The following GOLGA3 variants were observed in gnomAD, a reference collection of about 807,000 sequenced individuals.
GOLGA3 encodes the protein golgin subfamily A member 3.
In GOLGA3, 75 loss-of-function variants were observed where a neutral mutation model predicts 169.4. That is an observed-to-expected ratio of 0.44 (90% CI 0.37 to 0.54). The LOEUF (loss-of-function observed/expected upper bound fraction) is 0.54. Ranked by LOEUF, GOLGA3 falls within the 20% of genes least tolerant of loss-of-function variation. GOLGA3 has a pLI of 0.00. For missense variants in GOLGA3, 1,899 were observed against 1,930.0 expected (o/e 0.98, Z 0.30); for synonymous variants, 824 against 822.4 (o/e 1.00, Z -0.03).
chr12:132,774,968 C>A (rs1330836299), intron 22 of GOLGA3, 173 bp downstream of exon 22: 1 of 584,540 alleles, frequency 1.7e-6, no homozygotes, highest in Non-Finnish European at 3.0e-6. Flanking sequence ...TGAATGAAAC[C>A]AGAATGAAAT....
chr12:132,778,594 T>C (rs759151031), intron 18 of GOLGA3, among the ~76,000 whole-genome samples: 14 of 150,062 alleles, frequency 9.3e-5, no homozygotes, highest in Non-Finnish European at 1.8e-4. Flanking sequence ...AATAAACAAA[T>C]AAATAAATAA....
At chr12:132,790,103 G>C (rs1188710007) in intron 12 of GOLGA3, among the ~76,000 whole-genome samples, 8 of 152,016 alleles carry the variant, frequency 5.3e-5, no homozygotes, top group Non-Finnish European at 1.5e-5. Context: ...AGGCCAAGGT[G>C]GGCGGATCAC....
Position 132,773,733 on chromosome 12 carries a change from T to C in GOLGA3, c.4307+424A>G, listed in dbSNP as rs116311760. On this transcript the variant is annotated intron_variant, in intron 23 of 23. Transcript: ENST00000450791. ...GTGTGCGAGTTCCCCCACCTTTATA[T>C]AAACCTCAGAGGCTGTGCGAGTCCC... 2.1e-3 allele frequency among the ~76,000 whole-genome samples: 317 copies of C among 151,644 alleles called. 1 individual carries two copies. The highest frequency in any genetic ancestry group is 7.5e-3 in the African/African-American group (309 of 41,248).
intron 7 of GOLGA3, among the ~76,000 whole-genome samples, chr12:132,803,189 C>T (rs1199459044): frequency 6.6e-6 from 1 of 152,212 alleles, no homozygotes; most frequent in African/African-American, 2.4e-5. Context: ...GAACTCCTGC[C>T]TGCAGCCCGG....
chr12:132,808,172 G>A lies in GOLGA3; in HGVS notation c.897C>T (p.Asn299=). 6.2e-7 allele frequency: 1 copy of A among 1,613,054 alleles called. No homozygotes were observed. Among genetic ancestry groups the A allele is most frequent in the South Asian group, 1.1e-5 (1 of 91,052 alleles). The part of the protein sequence containing the change: ...LSPDTDDRLE[N]TSLAGDSVSE... ...ACACGCTGTCTCCAGCCAGGGAGGT[G>A]TTCTCCAGACGGTCGTCAGTGTCGG... The change falls in exon 5 of 24, where the codon AAC becomes AAT. Residue 299 remains asparagine, a synonymous_variant. Transcript: ENST00000450791.
At chr12:132,775,637 A>C (rs1450163973) in intron 21 of GOLGA3, among the ~76,000 whole-genome samples, 2 of 152,168 alleles carry the variant, frequency 1.3e-5, no homozygotes, top group Non-Finnish European at 2.9e-5. Flanking sequence ...TCTGTCATCC[A>C]GGCTGGAGTG....
At chr12:132,775,038 C>A in intron 22 of GOLGA3, 103 bp downstream of exon 22, 1 of 1,024,780 alleles carries the variant, frequency 9.8e-7, no homozygotes, top group African/African-American at 1.6e-5. Context: ...GTGGGCTCAA[C>A]AAATCCGTTT....
At chr12:132,791,405 C>T in intron 11 of GOLGA3, 112 bp from the exon 12 acceptor site, 1 of 612,876 alleles carries the variant, frequency 1.6e-6, no homozygotes, top group Non-Finnish European at 2.9e-6. Flanking sequence ...ACAAATGTTA[C>T]AGAGAGCTCC....
rs1949601800 is a variant in GOLGA3 at position 132,809,562 on chromosome 12, C to T, written c.520-1013G>A. On this transcript the variant is annotated intron_variant, in intron 4 of 23. Coordinates refer to ENST00000450791, the MANE Select transcript of GOLGA3 (RefSeq NM_001389683.1). ...CCCGTCTTCCCAGACACTGGCTTCA[C>T]CGCTAGACCAAGGAGCCCTCTGGTG... Among the ~76,000 whole-genome samples the T allele has an allele frequency of 2.0e-5, 3 of 152,192 alleles. No individual in the cohort carries two copies. In the South Asian group the frequency reaches 6.2e-4, roughly 32 times the overall value.
chr12:132,774,346 T>C (rs759700185), intron 22 of GOLGA3, 26 bp from the exon 23 acceptor site: 5 of 1,607,790 alleles, frequency 3.1e-6, no homozygotes, highest in Non-Finnish European at 4.2e-6. Context: ...CATGATCAGC[T>C]TTCCCACCGT....
intron 11 of GOLGA3, among the ~76,000 whole-genome samples, chr12:132,793,766 G>A (rs539540668): frequency 2.0e-5 from 3 of 149,590 alleles, no homozygotes; most frequent in South Asian, 4.2e-4. Flanking sequence ...ACAGACCCAC[G>A]GCACAGGACC....
intron 11 of GOLGA3, among the ~76,000 whole-genome samples, chr12:132,792,183 G>T (rs1187305282): frequency 6.6e-6 from 1 of 152,196 alleles, no homozygotes. Flanking sequence ...GGGAACTGGT[G>T]GTTCCTAAGG....
At chr12:132,798,251 CAGAG>C (rs1228102580) in intron 9 of GOLGA3, 85 bp downstream of exon 9, 2 of 1,262,436 alleles carry the variant, frequency 1.6e-6, no homozygotes, top group Non-Finnish European at 2.2e-6. Context: ...GAGATACACA[CAGAG>C]AGACGGAACA....
intron 18 of GOLGA3, among the ~76,000 whole-genome samples, chr12:132,779,290 C>T (rs1036338584): frequency 2.6e-5 from 4 of 152,098 alleles, no homozygotes; most frequent in African/African-American, 7.2e-5. Context: ...TGTTGGTCAG[C>T]CTGGTCTTGA....
Position 132,782,490 on chromosome 12 carries a change from G to C in GOLGA3, c.3271C>G (p.Gln1091Glu). 1 of 1,612,488 alleles carries C rather than the reference G, an allele frequency of 6.2e-7. No individual in the cohort carries two copies. Among genetic ancestry groups the C allele is most frequent in the South Asian group, 1.1e-5 (1 of 91,056 alleles). ...EKVLELEDEL[Q>E]ESRGFRKKIK... Reference sequence around the variant, plus strand: ...TTCTTCCTAAAGCCTCTGGATTCTTGAAGCTGAAACATACCAATGTCACTG... The same window carrying C: ...TTCTTCCTAAAGCCTCTGGATTCTTCAAGCTGAAACATACCAATGTCACTG... Residue 1091 changes from glutamine (Q) to glutamate (E), a missense_variant, in exon 17 of 24, where the codon CAA becomes GAA. Coordinates refer to ENST00000450791, the MANE Select transcript of GOLGA3 (RefSeq NM_001389683.1).
intron 15 of GOLGA3, among the ~76,000 whole-genome samples, chr12:132,785,367 A>T (rs1407641249): frequency 6.6e-6 from 1 of 152,132 alleles, no homozygotes; most frequent in Admixed American, 6.5e-5. Context: ...GTGCAGCAGC[A>T]AAATCATGAC....
intron 1 of GOLGA3, 49 bp downstream of exon 1, chr12:132,828,754 G>T: frequency 6.6e-6 from 1 of 151,912 alleles, no homozygotes; most frequent in South Asian, 1.9e-4. Context: ...GAGCGGGAGC[G>T]GGAGCGGGAG....
intron 12 of GOLGA3, among the ~76,000 whole-genome samples, chr12:132,790,933 C>T (rs1039539108): frequency 1.4e-5 from 2 of 146,408 alleles, no homozygotes; most frequent in Admixed American, 6.8e-5. Context: ...CGCCTGTAGT[C>T]GCAGCTACTC....
chr12:132,810,133 A>C (rs964236251), intron 4 of GOLGA3, among the ~76,000 whole-genome samples: 3 of 152,130 alleles, frequency 2.0e-5, no homozygotes, highest in African/African-American at 7.2e-5. Context: ...CTGTAATCTC[A>C]GCTACTTGGG....
Sources: allele counts gnomAD v4.1 joint callset (sites outside exome capture counted in the v4.1 genomes callset), GRCh38; gene constraint gnomAD v4.1.1; transcripts MANE v1.5; gene names NCBI Gene and HGNC (gene_info 2026-07-23, HGNC 2026-07-21).